The following LRP5 variants were observed in gnomAD, a reference collection of about 807,000 sequenced individuals.
LRP5 encodes the protein low-density lipoprotein receptor-related protein 5.
LRP5 carries 62 observed loss-of-function variants against 154.1 expected under a neutral mutation model. The observed-to-expected ratio is 0.40, with a 90% CI of 0.33 to 0.50. The LOEUF (loss-of-function observed/expected upper bound fraction) is 0.50, where lower values mean the gene tolerates loss of function less well. Among genes scored for constraint, LRP5 ranks in the 20% least tolerant of loss-of-function variants. The probability of loss-of-function intolerance (pLI) is 0.55; values close to 1 mark genes in which losing one functional copy is unlikely to be tolerated. For synonymous variants in LRP5, 966 were observed against 1,011.5 expected, an observed-to-expected ratio of 0.96 and a Z score of 0.85; for missense variants, 1,915 against 2,336.7, an observed-to-expected ratio of 0.82 and a Z score of 3.72.
chr11:68,418,599 A>C (rs1453922758), intron 13 of LRP5, among the ~76,000 whole-genome samples: 5 of 152,220 alleles, frequency 3.3e-5, no homozygotes, highest in African/African-American at 1.2e-4. Context: ...GGTGCCGTCC[A>C]GACAGGCTGG....
intron 11 of LRP5, 51 bp downstream of exon 11, chr11:68,411,671 G>A (rs773698314): frequency 3.9e-6 from 6 of 1,553,924 alleles, no homozygotes; most frequent in African/African-American, 1.3e-5. Flanking sequence ...GCAGCCGGGC[G>A]TTGGCCACCT....
chr11:68,404,496 G>A (rs2098654407), intron 8 of LRP5: 1 of 489,582 alleles, frequency 2.0e-6, no homozygotes, highest in Admixed American at 2.3e-5. Flanking sequence ...GAGGGAGCTG[G>A]GAATTGAGGG....
At position 68,386,657 on chromosome 11, in the gene LRP5, C is replaced by T. The variant is rs12364012; in HGVS notation, c.1357C>T (p.Leu453=). The part of the protein sequence containing the change: ...TRLNGTSRKI[L]VSEDLDEPRA... ...CCTCAACGGCACCTCCCGCAAGATCCTGGTGTCGGAGGACCTGGACGAGCC... is the reference window on the plus strand; with the variant it reads ...CCTCAACGGCACCTCCCGCAAGATCTTGGTGTCGGAGGACCTGGACGAGCC... Residue 453 remains leucine (L), a synonymous_variant, in exon 6 of 23, where the codon CTG becomes TTG. Coordinates refer to ENST00000294304, the MANE Select transcript of LRP5 (RefSeq NM_002335.4). The surrounding 1 kb of genome is among the most constrained non-coding windows in gnomAD (Gnocchi z 7.9). 1 of 1,613,484 alleles carries T rather than the reference C, an allele frequency of 6.2e-7. No individual in the cohort carries two copies. Among genetic ancestry groups the T allele is most frequent in the African/African-American group, 1.3e-5 (1 of 74,954 alleles).
chr11:68,438,464 C>T lies in LRP5; in HGVS notation c.4130C>T (p.Ser1377Leu), dbSNP rs2098676254. Residue 1377 changes from serine (S) to leucine (L), a missense_variant, in exon 20 of 23, where the codon TCA becomes TTA. By Grantham distance (145) the Ser-to-Leu change is moderately radical. Around this residue, in one of 3 missense-constraint regions of LRP5, gnomAD observed 1,094 missense variants for 1,210.1 expected, o/e 0.90. Transcript: ENST00000294304. ...CTGGCAGAAATCACCAAGCCGCCCT[C>T]AGACGACAGCCCGGCCCACAGCAGT... ...ELMCEITKPP[S>L]DDSPAHSSAI... The T allele has an allele frequency of 6.2e-7, 1 of 1,614,066 alleles. No homozygotes were observed. The highest frequency in any genetic ancestry group is 1.3e-5 in the African/African-American group (1 of 74,950).
chr11:68,417,987 G>A (rs1053581361), intron 13 of LRP5, among the ~76,000 whole-genome samples: 1 of 152,096 alleles, frequency 6.6e-6, no homozygotes, highest in Non-Finnish European at 1.5e-5. Context: ...AGCACTTTGC[G>A]GAGTCAGGCT....
chr11:68,414,765 G>A (rs931362155), intron 12 of LRP5, among the ~76,000 whole-genome samples: 2 of 152,228 alleles, frequency 1.3e-5, no homozygotes, highest in Non-Finnish European at 2.9e-5. Context: ...GGTCGCAGGC[G>A]GGGCTGGTCT....
chr11:68,389,155 A>AATTTACCGGCACCGAC (rs1237595161), intron 6 of LRP5, among the ~76,000 whole-genome samples: 2 of 4,464 alleles, frequency 4.5e-4, no homozygotes, highest in Non-Finnish European at 1.1e-3. Context: ...CCAACACTGA[A>AATTTACCGGCACCGAC]ATTTACCGAC....
chr11:68,363,389 G>A (rs1376074822), intron 3 of LRP5, among the ~76,000 whole-genome samples: 4 of 152,218 alleles, frequency 2.6e-5, no homozygotes, highest in African/African-American at 9.6e-5. Flanking sequence ...TGGCATGGTG[G>A]CGCACGCCTG....
At chr11:68,319,145 C>T (rs1204027977) in intron 1 of LRP5, among the ~76,000 whole-genome samples, 6 of 148,946 alleles carry the variant, frequency 4.0e-5, no homozygotes, top group East Asian at 2.0e-4. Flanking sequence ...GGCACGATCT[C>T]GGCTCACTGT....
intron 7 of LRP5, among the ~76,000 whole-genome samples, chr11:68,395,036 T>C (rs950739475): frequency 3.3e-5 from 5 of 151,564 alleles, no homozygotes; most frequent in Admixed American, 2.0e-4. Flanking sequence ...CGTGGTGGCT[T>C]ACGCCTGTAA....
At chr11:68,316,096 C>T (rs531585324) in intron 1 of LRP5, among the ~76,000 whole-genome samples, 18 of 152,208 alleles carry the variant, frequency 1.2e-4, no homozygotes, top group South Asian at 4.1e-4. Context: ...GGTGACTTCC[C>T]GTTCCCTCTC....
chr11:68,402,427 A>G (rs1444491764), intron 7 of LRP5, among the ~76,000 whole-genome samples: 2 of 152,224 alleles, frequency 1.3e-5, no homozygotes, highest in African/African-American at 2.4e-5. Flanking sequence ...CAGAGGAGAC[A>G]GGGTGGAAAG....
upstream of LRP5, among the ~76,000 whole-genome samples, chr11:68,311,763 C>A (rs1591158757): frequency 6.6e-6 from 1 of 152,084 alleles, no homozygotes; most frequent in African/African-American, 2.4e-5. Flanking sequence ...GGAAAGAGTG[C>A]GCGGAGAGGT....
At chr11:68,320,457 CTTT>C (rs554377386) in intron 1 of LRP5, among the ~76,000 whole-genome samples, 7 of 139,576 alleles carry the variant, frequency 5.0e-5, no homozygotes, top group Non-Finnish European at 7.8e-5. Flanking sequence ...TCTTCTTCTT[CTTT>C]TTTTTTTTTT....
At chr11:68,424,103 G>C (rs984545363) in intron 14 of LRP5, among the ~76,000 whole-genome samples, 1 of 152,222 alleles carries the variant, frequency 6.6e-6, no homozygotes, top group African/African-American at 2.4e-5. Context: ...CCACCTGTTG[G>C]TCGTCAGAGC....
At chr11:68,310,845 C>G (rs941114745), upstream of LRP5, among the ~76,000 whole-genome samples, 7 of 151,626 alleles carry the variant, frequency 4.6e-5, no homozygotes, top group Non-Finnish European at 1.0e-4. Context: ...TGAGAACCCA[C>G]AGAGACACCA....
In LRP5 at chr11:68,446,417, C is replaced by G; in HGVS notation, c.4489-19C>G. The G allele has an allele frequency of 6.4e-7, 1 of 1,570,960 alleles. No homozygotes were observed. Among genetic ancestry groups the G allele is most frequent in the Non-Finnish European group, 8.8e-7 (1 of 1,140,772 alleles). On this transcript the variant is annotated intron_variant, in intron 21 of 22. Coordinates refer to ENST00000294304, the MANE Select transcript of LRP5 (RefSeq NM_002335.4). ...CAGGCTGGCGAGGCTCTAAGTCACC[C>G]TGGCTTGGCTCTCCTCAGATCCTGA...
At chr11:68,443,558 TA>T (rs2098679460) in intron 21 of LRP5, among the ~76,000 whole-genome samples, 4 of 34,704 alleles carry the variant, frequency 1.2e-4, no homozygotes, top group African/African-American at 4.4e-4. Context: ...TATATATATA[TA>T]TATATATATA....
At chr11:68,371,946 A>G (rs1315674852) in intron 5 of LRP5, among the ~76,000 whole-genome samples, 1 of 152,318 alleles carries the variant, frequency 6.6e-6, no homozygotes, top group Non-Finnish European at 1.5e-5. Context: ...TCACACAGGG[A>G]TCTCCTCCAG....
Sources: allele counts gnomAD v4.1 joint callset (sites outside exome capture counted in the v4.1 genomes callset), GRCh38; gene constraint gnomAD v4.1.1; regional missense constraint gnomAD v4.1.1; non-coding constraint Gnocchi (gnomAD v3.1); transcripts MANE v1.5; gene names NCBI Gene and HGNC (gene_info 2026-07-23, HGNC 2026-07-21).